Variants in TSGA10 observed in about 807,000 individuals in gnomAD.
The protein encoded by TSGA10 is testis-specific gene 10 protein.
In TSGA10, 43 loss-of-function variants were observed where a neutral mutation model predicts 96.6. The ratio of observed to expected loss-of-function variants is 0.44; its 90% CI spans 0.35 to 0.57. TSGA10 has a LOEUF of 0.57. TSGA10 is among the 20% of genes least tolerant of loss of function. The pLI, the probability that TSGA10 is intolerant of heterozygous loss-of-function variation, is 0.01. For synonymous variants in TSGA10, 229 were observed against 269.9 expected, an observed-to-expected ratio of 0.85 and a Z score of 1.48; for missense variants, 703 against 834.4, an observed-to-expected ratio of 0.84 and a Z score of 1.94.
intron 10 of TSGA10, chr2:99,102,355 G>A: frequency 6.2e-7 from 1 of 1,613,048 alleles, no homozygotes. Context: ...TCACAAAGCA[G>A]TGTCCCATCA....
At chr2:99,058,098 A>C (rs1436712057) in intron 16 of TSGA10, among the ~76,000 whole-genome samples, 1 of 152,196 alleles carries the variant, frequency 6.6e-6, no homozygotes, top group Non-Finnish European at 1.5e-5. Flanking sequence ...CATGTGAAAA[A>C]AAATGAACTA....
intron 18 of TSGA10, 139 bp from the exon 19 acceptor site, chr2:99,018,779 T>C (rs960848994): frequency 1.1e-5 from 8 of 709,322 alleles, no homozygotes; most frequent in Non-Finnish European, 1.8e-5. Flanking sequence ...GATTTATTAG[T>C]ACATCTAAAA....
chr2:99,047,526 T>C (rs1343941431), intron 16 of TSGA10, among the ~76,000 whole-genome samples: 1 of 152,094 alleles, frequency 6.6e-6, no homozygotes, highest in South Asian at 2.1e-4. Flanking sequence ...ATTCAACAGC[T>C]CTTCATGCTA....
At chr2:99,140,309 CA>C (rs2093485207) in intron 1 of TSGA10, among the ~76,000 whole-genome samples, 2 of 152,010 alleles carry the variant, frequency 1.3e-5, no homozygotes, top group Admixed American at 1.3e-4. Flanking sequence ...TTTCTACTTA[CA>C]AACCTATTGT....
chr2:99,045,150 A>C (rs555733666), intron 16 of TSGA10, among the ~76,000 whole-genome samples: 2 of 152,186 alleles, frequency 1.3e-5, no homozygotes, highest in Non-Finnish European at 2.9e-5. Context: ...CAAATTCAAA[A>C]GCTAGCAGAA....
intron 2 of TSGA10, among the ~76,000 whole-genome samples, chr2:99,120,674 C>T (rs919725101): frequency 6.6e-5 from 10 of 152,038 alleles, no homozygotes; most frequent in Admixed American, 2.6e-4. Context: ...ACTCAGTTTC[C>T]GCTGATAGTT....
rs2082334024 is a variant in TSGA10, at chr2:99,042,838, G to A, written c.1405-7399C>T. On this transcript the variant is annotated intron_variant, in intron 16 of 20. Transcript: ENST00000393483. ...CCTGCCTCAGCCTCTCAAGTAGCTG[G>A]GATTACAGGCATGCACCATCATGCC... is the stretch of plus-strand genomic sequence containing the variant. Among the ~76,000 whole-genome samples, 6 of 151,998 alleles carry A rather than the reference G, an allele frequency of 3.9e-5. No homozygotes were observed. In the South Asian group the frequency reaches 1.2e-3, roughly 32 times the overall value.
intron 1 of TSGA10, chr2:99,150,508 C>T: frequency 6.4e-7 from 1 of 1,557,328 alleles, no homozygotes. Flanking sequence ...AACACTTCCA[C>T]TACTTAAAAA....
At chr2:99,077,847 C>A (rs1018035625) in intron 12 of TSGA10, among the ~76,000 whole-genome samples, 9 of 151,706 alleles carry the variant, frequency 5.9e-5, no homozygotes, top group African/African-American at 2.2e-4. Flanking sequence ...CAGGCGTGAG[C>A]CACCGCACCC....
intron 16 of TSGA10, among the ~76,000 whole-genome samples, chr2:99,049,565 C>T (rs908260844): frequency 2.0e-5 from 3 of 151,954 alleles, no homozygotes; most frequent in Non-Finnish European, 2.9e-5. Context: ...GAACATCACA[C>T]ACCGGGGCCT....
At chr2:99,066,566 G>T (rs2104474941) in intron 15 of TSGA10, among the ~76,000 whole-genome samples, 1 of 152,082 alleles carries the variant, frequency 6.6e-6, no homozygotes. Context: ...ATTAAATTTA[G>T]TTCTGTGACC....
At chr2:99,094,364 A>C (rs1238138842) in intron 10 of TSGA10, among the ~76,000 whole-genome samples, 1 of 152,124 alleles carries the variant, frequency 6.6e-6, no homozygotes, top group Non-Finnish European at 1.5e-5. Context: ...ACGACCAAGA[A>C]CCCAAAAGCA....
At chr2:99,151,314 T>C (rs1403061991) in intron 1 of TSGA10, 5 of 152,228 alleles carry the variant, frequency 3.3e-5, no homozygotes, top group African/African-American at 1.2e-4. Flanking sequence ...ATGCAAAAAG[T>C]TAGCCAGGCA....
chr2:99,079,069 G>A (rs917448953), intron 11 of TSGA10: 2 of 289,036 alleles, frequency 6.9e-6, no homozygotes, highest in East Asian at 1.3e-4. Flanking sequence ...GCTCTACATC[G>A]CAAGCTGTCA....
chr2:99,003,952 C>G (rs553344221), intron 20 of TSGA10, among the ~76,000 whole-genome samples: 1 of 152,134 alleles, frequency 6.6e-6, no homozygotes, highest in South Asian at 2.1e-4. Flanking sequence ...AAGATCAGAG[C>G]AGAACTGAAG....
At chr2:99,097,519 G>A (rs961266813) in intron 10 of TSGA10, among the ~76,000 whole-genome samples, 2 of 152,112 alleles carry the variant, frequency 1.3e-5, no homozygotes, top group Admixed American at 6.6e-5. Flanking sequence ...TGGAGTTACT[G>A]TTCTAAGGTT....
chr2:99,098,925 A>C (rs2090397399), intron 10 of TSGA10, among the ~76,000 whole-genome samples: 1 of 152,222 alleles, frequency 6.6e-6, no homozygotes, highest in South Asian at 2.1e-4. Flanking sequence ...TCTTATACAA[A>C]CTGTTCCACA....
chr2:99,048,813 AT>A (rs1392498632), intron 16 of TSGA10, among the ~76,000 whole-genome samples: 2 of 152,066 alleles, frequency 1.3e-5, no homozygotes, highest in African/African-American at 4.8e-5. Context: ...ATGGGGGAAA[AT>A]TTTTGCAATC....
intron 2 of TSGA10, chr2:99,125,515 G>GT (rs2104980961): frequency 6.6e-6 from 1 of 152,126 alleles, no homozygotes; most frequent in South Asian, 2.1e-4. Flanking sequence ...CCAGATAATT[G>GT]TAACATCCGT....
Sources: allele counts gnomAD v4.1 joint callset (sites outside exome capture counted in the v4.1 genomes callset), GRCh38; gene constraint gnomAD v4.1.1; transcripts MANE v1.5; gene names NCBI Gene and HGNC (gene_info 2026-07-23, HGNC 2026-07-21).